Variants in TLL1 observed in about 807,000 individuals in gnomAD.
The protein encoded by TLL1 is tolloid-like protein 1.
A neutral mutation model predicts 128.2 loss-of-function variants in TLL1; 49 were observed. The observed-to-expected ratio is 0.38, with a 90% CI of 0.30 to 0.48. The LOEUF is 0.48. Among genes scored for constraint, TLL1 ranks in the 20% least tolerant of loss-of-function variants. The pLI is 0.96. For missense variants in TLL1, 1,123 were observed against 1,242.0 expected, an observed-to-expected ratio of 0.90 and a Z score of 1.44; for synonymous variants, 454 against 418.8, an observed-to-expected ratio of 1.08 and a Z score of -1.03.
intron 5 of TLL1, 54 bp from the exon 6 acceptor site, chr4:166,003,337 C>CA: frequency 6.3e-7 from 1 of 1,587,596 alleles, no homozygotes; most frequent in East Asian, 2.2e-5. Context: ...ACCATATTGT[C>CA]AGTTGTCCAG....
intron 7 of TLL1, among the ~76,000 whole-genome samples, chr4:166,011,279 A>G (rs1482542076): frequency 6.6e-6 from 1 of 151,390 alleles, no homozygotes; most frequent in Non-Finnish European, 1.5e-5. Flanking sequence ...TAAGTGTTTC[A>G]ATTCAGGAAC....
At chr4:166,023,595 C>T (rs1163789043) in intron 8 of TLL1, among the ~76,000 whole-genome samples, 3 of 152,156 alleles carry the variant, frequency 2.0e-5, no homozygotes, top group African/African-American at 7.2e-5. Flanking sequence ...TAGTAGGGGT[C>T]AGCTAGCCTG....
At chr4:166,044,250 T>A (rs2111095893) in intron 12 of TLL1, 1 of 750,180 alleles carries the variant, frequency 1.3e-6, no homozygotes, top group Non-Finnish European at 2.1e-6. Flanking sequence ...ACTAATTCAC[T>A]AAGTGATCAG....
chr4:165,877,999 T>G (rs1387560729), intron 1 of TLL1, among the ~76,000 whole-genome samples: 1 of 152,154 alleles, frequency 6.6e-6, no homozygotes, highest in Admixed American at 6.5e-5. Flanking sequence ...AGCTCCTGAG[T>G]GAAAGTCCAA....
chr4:166,056,520 T>C (rs1450210905), intron 13 of TLL1, among the ~76,000 whole-genome samples: 1 of 152,060 alleles, frequency 6.6e-6, no homozygotes, highest in Non-Finnish European at 1.5e-5. Context: ...TGTTTTAAAT[T>C]TAAAGAGATC....
chr4:166,032,241 G>A lies in TLL1; in HGVS notation c.1158+6810G>A, dbSNP rs145004326. On this transcript the variant is annotated intron_variant, in intron 9 of 20. Transcript: ENST00000061240. ...TAAGCAGAATAACATGTCATGAACC[G>A]AAATGTAAAAGTGTAGTATTACAAA... is the stretch of plus-strand genomic sequence containing the variant. Among the ~76,000 whole-genome samples, 198 of 152,146 alleles carry A rather than the reference G, an allele frequency of 1.3e-3. 2 individuals are homozygous for A. Among genetic ancestry groups the A allele is most frequent in the African/African-American group, 4.3e-3 (178 of 41,530 alleles).
chr4:165,875,353 T>C (rs1030199553), intron 1 of TLL1, among the ~76,000 whole-genome samples: 2 of 152,166 alleles, frequency 1.3e-5, no homozygotes, highest in Non-Finnish European at 2.9e-5. Context: ...TTACCTTTGA[T>C]GACCCATTGT....
chr4:165,924,687 T>C (rs1465188138), intron 1 of TLL1, among the ~76,000 whole-genome samples: 1 of 152,210 alleles, frequency 6.6e-6, no homozygotes, highest in African/African-American at 2.4e-5. Context: ...AAGCAACATA[T>C]TTTCAATGTA....
intron 15 of TLL1, 137 bp from the exon 16 acceptor site, chr4:166,065,546 A>AT (rs1740529936): frequency 1.2e-6 from 1 of 855,902 alleles, no homozygotes; most frequent in East Asian, 2.6e-5. Flanking sequence ...GTCTGACCTG[A>AT]TTTTTTTCCT....
intron 1 of TLL1, among the ~76,000 whole-genome samples, chr4:165,915,778 T>C (rs572985897): frequency 1.3e-4 from 20 of 152,290 alleles, no homozygotes; most frequent in African/African-American, 4.3e-4. Flanking sequence ...CCTCTATGTA[T>C]AGAAAACTCC....
intron 1 of TLL1, among the ~76,000 whole-genome samples, chr4:165,978,415 C>G (rs10031114): frequency 0.08 from 12,095 of 151,932 alleles, 1,584 homozygotes; most frequent in African/African-American, 0.27. Flanking sequence ...TCAGAATCAG[C>G]CTTCTTCAAA....
chr4:165,945,692 C>T (rs577948248), intron 1 of TLL1, among the ~76,000 whole-genome samples: 3 of 152,038 alleles, frequency 2.0e-5, no homozygotes, highest in East Asian at 1.9e-4. Flanking sequence ...AAAATTAAAA[C>T]GGAAATGTAA....
rs763792615 is a variant in TLL1 at position 166,074,844 on chromosome 4, A to G, written c.2189-34A>G. 9 of 1,611,396 alleles carry G rather than the reference A, an allele frequency of 5.6e-6. No homozygotes were observed. In the South Asian group the frequency reaches 9.9e-5, roughly 18 times the overall value. Reference sequence around the variant, plus strand: ...TTTGATATCCTCTGTTTTTAAAGTTACTTACTAGACTATGGGATTGATCTC... The same window carrying G: ...TTTGATATCCTCTGTTTTTAAAGTTGCTTACTAGACTATGGGATTGATCTC... On this transcript the variant is annotated intron_variant, in intron 16 of 20. Transcript: ENST00000061240.
In TLL1 at chr4:166,099,335, G is replaced by A; in HGVS notation, c.2715G>A (p.Gln905=). The part of the protein sequence containing the change: ...SKPRDLYSHA[Q]FGDNNYPGQV... Reference sequence around the variant, plus strand: ...CAAGAGATCTGTACTCACATGCTCAGTTTGGTGATAACAACTACCCAGGAC... The same window carrying A: ...CAAGAGATCTGTACTCACATGCTCAATTTGGTGATAACAACTACCCAGGAC... Residue 905 remains glutamine, a synonymous_variant, in exon 20 of 21, where the codon CAG becomes CAA. Transcript: ENST00000061240. 6.2e-7 allele frequency: 1 copy of A among 1,613,606 alleles called. No homozygotes were observed. The highest frequency in any genetic ancestry group is 8.5e-7 in the Non-Finnish European group (1 of 1,179,666).
intron 6 of TLL1, among the ~76,000 whole-genome samples, chr4:166,005,567 A>T (rs1351821362): frequency 1.4e-5 from 2 of 146,442 alleles, no homozygotes; most frequent in South Asian, 2.1e-4. Flanking sequence ...AAAATAAGTT[A>T]AAAAAAAGTA....
At chr4:165,997,889 G>A (rs778127295) in intron 5 of TLL1, among the ~76,000 whole-genome samples, 7 of 152,014 alleles carry the variant, frequency 4.6e-5, no homozygotes, top group Non-Finnish European at 8.8e-5. Flanking sequence ...ATCTTCAGTG[G>A]GACATATGCT....
Position 166,066,632 on chromosome 4 carries a change from C to T in TLL1, c.2188+769C>T, listed in dbSNP as rs190431808. ...ATTTGGATTGAGTTAATTCAAAGGCCGTTTATTCTGGTCCTCATGTGTTTA... is the reference window on the plus strand; with the variant it reads ...ATTTGGATTGAGTTAATTCAAAGGCTGTTTATTCTGGTCCTCATGTGTTTA... On this transcript the variant is annotated intron_variant, in intron 16 of 20. Transcript: ENST00000061240. Among the ~76,000 whole-genome samples the T allele has an allele frequency of 2.7e-3, 409 of 151,698 alleles. 1 individual carries two copies. The highest frequency in any genetic ancestry group is 9.0e-3 in the African/African-American group (372 of 41,458).
At chr4:166,068,071 A>C (rs1740650253) in intron 16 of TLL1, among the ~76,000 whole-genome samples, 1 of 151,830 alleles carries the variant, frequency 6.6e-6, no homozygotes, top group Non-Finnish European at 1.5e-5. Context: ...ATAAATTTTC[A>C]GGGTTCACTT....
chr4:165,901,260 C>A (rs756101769), intron 1 of TLL1, among the ~76,000 whole-genome samples: 24 of 152,172 alleles, frequency 1.6e-4, no homozygotes, highest in Admixed American at 1.0e-3. Context: ...AACTCATTCT[C>A]TGCCAAGTTT....
Sources: allele counts gnomAD v4.1 joint callset (sites outside exome capture counted in the v4.1 genomes callset), GRCh38; gene constraint gnomAD v4.1.1; transcripts MANE v1.5; gene names NCBI Gene and HGNC (gene_info 2026-07-23, HGNC 2026-07-21).